The following CTNNA3 variants were observed in gnomAD, a reference collection of about 807,000 sequenced individuals.
CTNNA3 encodes the protein catenin alpha-3.
Under a neutral mutation model 95.7 loss-of-function variants are expected in CTNNA3, and 76 were observed. That is an observed-to-expected ratio of 0.79 (90% CI 0.66 to 0.96). CTNNA3 has a LOEUF of 0.96. Ranked by LOEUF, CTNNA3 falls within the 40% of genes least tolerant of loss-of-function variation. The pLI is 0.00. For missense variants in CTNNA3, 1,191 were observed against 1,089.8 expected (o/e 1.09, Z -1.31); for synonymous variants, 431 against 374.4 (o/e 1.15, Z -1.74).
At chr10:66,300,942 A>G (rs1175636471) in intron 12 of CTNNA3, among the ~76,000 whole-genome samples, 2 of 150,562 alleles carry the variant, frequency 1.3e-5, no homozygotes, top group Non-Finnish European at 3.0e-5. Context: ...CAGGTTAACT[A>G]AAAAAAAAGA....
intron 17 of CTNNA3, among the ~76,000 whole-genome samples, chr10:65,928,923 C>T (rs1014291805): frequency 2.6e-5 from 4 of 151,988 alleles, no homozygotes; most frequent in African/African-American, 4.8e-5. Context: ...ATGTGCACAA[C>T]GTGCAGGTTA....
intron 1 of CTNNA3, among the ~76,000 whole-genome samples, chr10:67,745,237 T>C (rs540058237): frequency 4.0e-4 from 61 of 152,206 alleles, no homozygotes; most frequent in African/African-American, 1.4e-3. Context: ...CTATTCACGA[T>C]AGCCAAGACT....
chr10:66,851,305 T>G (rs920563049), intron 7 of CTNNA3, among the ~76,000 whole-genome samples: 1 of 152,172 alleles, frequency 6.6e-6, no homozygotes, highest in African/African-American at 2.4e-5. Context: ...TTCCTTCTGC[T>G]TCCTTTGAAA....
intron 1 of CTNNA3, among the ~76,000 whole-genome samples, chr10:67,708,832 A>G (rs1459671037): frequency 6.6e-6 from 1 of 152,186 alleles, no homozygotes; most frequent in Non-Finnish European, 1.5e-5. Context: ...ATGAATTTAC[A>G]TAGTCCTCGA....
chr10:66,611,390 C>A (rs1844324622), intron 10 of CTNNA3, among the ~76,000 whole-genome samples: 1 of 151,526 alleles, frequency 6.6e-6, no homozygotes, highest in Non-Finnish European at 1.5e-5. Context: ...TCATATGTAC[C>A]CCCAAAATAT....
chr10:66,793,544 C>T (rs1828687638), intron 7 of CTNNA3, among the ~76,000 whole-genome samples: 1 of 152,040 alleles, frequency 6.6e-6, no homozygotes, highest in Admixed American at 6.6e-5. Flanking sequence ...ATCTATTATA[C>T]ACCAGGAACT....
intron 9 of CTNNA3, among the ~76,000 whole-genome samples, chr10:66,749,253 T>C (rs936841538): frequency 7.9e-6 from 1 of 126,346 alleles, no homozygotes; most frequent in Admixed American, 7.7e-5. Context: ...GAAAGAAAGA[T>C]ATTCTCCTGG....
rs11334980 is a variant in CTNNA3 at position 66,647,016 on chromosome 10, GAA to G, written c.1282-25234_1282-25233del. On this transcript the variant is annotated intron_variant, in intron 9 of 17. Coordinates refer to ENST00000433211, the MANE Select transcript of CTNNA3 (RefSeq NM_013266.4). ...TAATTCTGTGATCTCAAGCAAAAAA[GAA>G]AAAAAAAAAGAAAAAGAATGCGGCT... is the stretch of plus-strand genomic sequence containing the variant. Among the ~76,000 whole-genome samples the G allele has an allele frequency of 4.1e-4, 61 of 148,040 alleles. 1 individual carries two copies. Among genetic ancestry groups the G allele is most frequent in the African/African-American group, 1.1e-3 (44 of 40,560 alleles).
chr10:67,532,916 T>C (rs1840377040), intron 4 of CTNNA3, among the ~76,000 whole-genome samples: 1 of 152,186 alleles, frequency 6.6e-6, no homozygotes. Context: ...ACAGCCAGGA[T>C]TCAAGCAAGG....
intron 1 of CTNNA3, among the ~76,000 whole-genome samples, chr10:67,652,024 A>T (rs537821202): frequency 3.9e-5 from 6 of 152,322 alleles, no homozygotes; most frequent in Non-Finnish European, 5.9e-5. Flanking sequence ...TTTACTTCTC[A>T]CAGTTCTGGA....
chr10:66,349,466 A>G (rs1206268401), intron 12 of CTNNA3, among the ~76,000 whole-genome samples: 2 of 152,152 alleles, frequency 1.3e-5, no homozygotes, highest in African/African-American at 4.8e-5. Context: ...TTGTTGAAAT[A>G]TTAATAGGCA....
chr10:66,898,314 G>C (rs537091233), intron 7 of CTNNA3, among the ~76,000 whole-genome samples: 1 of 152,098 alleles, frequency 6.6e-6, no homozygotes, highest in Non-Finnish European at 1.5e-5. Context: ...GTTCTTTGTA[G>C]AATCAGGGAT....
At chr10:66,863,210 C>CACACACACAT (rs3055783) in intron 7 of CTNNA3, among the ~76,000 whole-genome samples, 4 of 149,564 alleles carry the variant, frequency 2.7e-5, no homozygotes, top group African/African-American at 9.8e-5. Context: ...CACACACACA[C>CACACACACAT]GCACACACAT....
intron 10 of CTNNA3, among the ~76,000 whole-genome samples, chr10:66,568,462 A>G (rs1225295244): frequency 6.6e-6 from 1 of 152,160 alleles, no homozygotes; most frequent in Non-Finnish European, 1.5e-5. Flanking sequence ...TCTGACACCA[A>G]TACCCCTAGG....
chr10:67,754,929 G>T (rs1841425093), intron 1 of CTNNA3, among the ~76,000 whole-genome samples: 1 of 152,174 alleles, frequency 6.6e-6, no homozygotes, highest in Non-Finnish European at 1.5e-5. Context: ...TGGACATGGT[G>T]TCTCAAGCCT....
chr10:67,660,746 A>C (rs1840160678), intron 1 of CTNNA3, among the ~76,000 whole-genome samples: 1 of 152,088 alleles, frequency 6.6e-6, no homozygotes, highest in Non-Finnish European at 1.5e-5. Context: ...CCTGGCTAAC[A>C]CAGTGAAACC....
intron 5 of CTNNA3, among the ~76,000 whole-genome samples, chr10:67,346,315 A>T (rs1842412306): frequency 6.6e-6 from 1 of 152,162 alleles, no homozygotes; most frequent in Admixed American, 6.5e-5. Flanking sequence ...ACTTACTATT[A>T]TCAATGAGTT....
At chr10:66,137,024 G>A (rs923697553) in intron 13 of CTNNA3, among the ~76,000 whole-genome samples, 2 of 152,020 alleles carry the variant, frequency 1.3e-5, no homozygotes, top group Admixed American at 1.3e-4. Flanking sequence ...GTTTCACCAT[G>A]TTGGCTAGGC....
At chr10:66,325,764 T>C (rs1310161743) in intron 12 of CTNNA3, among the ~76,000 whole-genome samples, 3 of 152,244 alleles carry the variant, frequency 2.0e-5, no homozygotes, top group Admixed American at 2.0e-4. Flanking sequence ...ACATTAAATC[T>C]AGGACTGAAA....
Sources: gnomAD v4.1 joint callset for allele counts (sites outside exome capture counted in the v4.1 genomes callset) on GRCh38, gnomAD v4.1.1 for gene constraint, MANE v1.5 for transcripts, NCBI Gene and HGNC (gene_info 2026-07-23, HGNC 2026-07-21) for gene names.